Variants in ZNF638 observed in about 807,000 individuals in gnomAD.
ZNF638 encodes the protein zinc finger protein 638, also known as CTCL tumor antigen se33-1.
In ZNF638, 46 loss-of-function variants were observed where a neutral mutation model predicts 195.6. The ratio of observed to expected loss-of-function variants is 0.24; its 90% CI spans 0.19 to 0.30. The LOEUF (loss-of-function observed/expected upper bound fraction) is 0.30, where lower values mean the gene tolerates loss of function less well. Among genes scored for constraint, ZNF638 ranks in the 10% least tolerant of loss-of-function variants. ZNF638 has a pLI of 1.00. For synonymous variants in ZNF638, 845 were observed against 772.0 expected (o/e 1.09, Z -1.57); for missense variants, 2,440 against 2,325.3 (o/e 1.05, Z -1.01).
At chr2:71,335,369 C>T (rs573431439) in intron 1 of ZNF638, among the ~76,000 whole-genome samples, 2 of 152,232 alleles carry the variant, frequency 1.3e-5, no homozygotes, top group South Asian at 4.2e-4. Context: ...CCCTAAGGAA[C>T]ATATATTTTG....
In ZNF638 at chr2:71,427,207, G is replaced by A. The variant is rs1483578745; in HGVS notation, c.5338G>A (p.Val1780Ile). Reference sequence around the variant, plus strand: ...GCTTAATTTTGTTACTGTTGATGAAGTTGGAGAGGAGGAAGATGGAGATAA... The same window carrying A: ...GCTTAATTTTGTTACTGTTGATGAAATTGGAGAGGAGGAAGATGGAGATAA... ...EELNFVTVDE[V>I]GEEEDGDNDL... Residue 1780 changes from valine (V) to isoleucine (I), a missense_variant, in exon 24 of 28, where the codon GTT becomes ATT. Val to Ile is a conservative substitution (Grantham distance 29, BLOSUM62 3). Coordinates refer to ENST00000264447, the MANE Select transcript of ZNF638 (RefSeq NM_014497.5). 6.2e-7 allele frequency: 1 copy of A among 1,612,544 alleles called. No individual in the cohort carries two copies. The highest frequency in any genetic ancestry group is 8.5e-7 in the Non-Finnish European group (1 of 1,179,568).
chr2:71,388,561 C>T, intron 10 of ZNF638: 2 of 745,534 alleles, frequency 2.7e-6, no homozygotes, highest in South Asian at 2.8e-5. Context: ...CGAGCAGTTT[C>T]CTAGCTGCGC....
chr2:71,418,968 G>A (rs563924635), intron 21 of ZNF638, among the ~76,000 whole-genome samples: 68 of 152,154 alleles, frequency 4.5e-4, no homozygotes, highest in Admixed American at 3.4e-3. Context: ...CATTGTTTTT[G>A]TTAGATTTTC....
intron 20 of ZNF638, among the ~76,000 whole-genome samples, chr2:71,412,562 C>T (rs1485564393): frequency 2.6e-4 from 12 of 46,064 alleles, no homozygotes; most frequent in African/African-American, 1.2e-3. Flanking sequence ...ACGCCTATGT[C>T]CTGAATGGTA....
At position 71,423,971 on chromosome 2, in the gene ZNF638, TAACAA is replaced by T. The variant is rs1558884704; in HGVS notation, c.4463_4467del (p.Lys1488IlefsTer7). ...CTTTCTAAACTGGATTACAGAGATA[TAACAA>T]AACAATCTCAGGAAACAGAGGCTAG... On this transcript the variant is annotated frameshift_variant, in exon 22 of 28. Coordinates refer to ENST00000264447, the MANE Select transcript of ZNF638 (RefSeq NM_014497.5). LOFTEE classifies it high-confidence loss of function. 1 of 1,614,024 alleles carries T rather than the reference TAACAA, an allele frequency of 6.2e-7. No individual in the cohort carries two copies. Among genetic ancestry groups the T allele is most frequent in the Non-Finnish European group, 8.5e-7 (1 of 1,179,986 alleles).
intron 10 of ZNF638, among the ~76,000 whole-genome samples, chr2:71,393,121 C>T (rs111409005): frequency 0.013 from 1,963 of 152,194 alleles, 43 homozygotes; most frequent in African/African-American, 0.045. Flanking sequence ...CATAGTAGAA[C>T]GTGCCCACTC....
intron 3 of ZNF638, among the ~76,000 whole-genome samples, chr2:71,356,794 ATTT>A (rs972567815): frequency 6.8e-6 from 1 of 146,406 alleles, no homozygotes; most frequent in Admixed American, 6.8e-5. Flanking sequence ...AAAAAAAAAA[ATTT>A]TTTTTTTTTA....
chr2:71,333,674 A>G (rs1307482160), intron 1 of ZNF638, among the ~76,000 whole-genome samples: 1 of 152,248 alleles, frequency 6.6e-6, no homozygotes, highest in East Asian at 1.9e-4. Context: ...TAGGCTTTGC[A>G]GTCGGAAGAT....
rs1045240348 is a variant in ZNF638 at position 71,383,954 on chromosome 2, T to C, written c.2377+3389T>C. 2.0e-5 allele frequency among the ~76,000 whole-genome samples: 3 copies of C among 151,860 alleles called. No homozygotes were observed. In the East Asian group the frequency reaches 5.8e-4, roughly 29 times the overall value. ...AGTCTTTAAGGACATCTCCCTTACG[T>C]ACATAAACTCTTCTATCCCCTTGAG... On this transcript the variant is annotated intron_variant, in intron 10 of 27. Coordinates refer to ENST00000264447, the MANE Select transcript of ZNF638 (RefSeq NM_014497.5).
chr2:71,360,525 G>C (rs1476596826), intron 3 of ZNF638, among the ~76,000 whole-genome samples: 1 of 151,540 alleles, frequency 6.6e-6, no homozygotes, highest in Admixed American at 6.6e-5. Flanking sequence ...ATGCATTACA[G>C]TCTCTTTTAA....
At chr2:71,371,620 G>T (rs2079315067) in intron 8 of ZNF638, among the ~76,000 whole-genome samples, 2 of 151,778 alleles carry the variant, frequency 1.3e-5, no homozygotes, top group African/African-American at 2.4e-5. Flanking sequence ...ACCTTTTCGT[G>T]TGCCTTTTTG....
intron 10 of ZNF638, chr2:71,388,541 T>C: frequency 1.4e-6 from 1 of 726,712 alleles, no homozygotes; most frequent in Admixed American, 2.0e-5. Flanking sequence ...CTCTTCGGCG[T>C]CTCTAAGGCC....
intron 18 of ZNF638, 46 bp downstream of exon 18, chr2:71,405,688 GA>G: frequency 7.6e-7 from 1 of 1,318,774 alleles, no homozygotes; most frequent in African/African-American, 1.5e-5. Flanking sequence ...TTAATTGATG[GA>G]AACATTGTTT....
At chr2:71,421,809 G>T (rs1167538644) in intron 21 of ZNF638, among the ~76,000 whole-genome samples, 1 of 152,074 alleles carries the variant, frequency 6.6e-6, no homozygotes, top group Non-Finnish European at 1.5e-5. Context: ...AATTTGCATT[G>T]ATAGCATGTT....
rs980461247 is a variant in ZNF638 at position 71,331,890 on chromosome 2, C to T, written c.-203+15C>T. 7.4e-5 allele frequency: 73 copies of T among 986,248 alleles called. No homozygotes were observed. Among genetic ancestry groups the T allele is most frequent in the Non-Finnish European group, 8.6e-5 (71 of 830,372 alleles). 61.1% of individuals were successfully genotyped at this position (986,248 alleles called of 1,614,324 possible). Reference sequence around the variant, plus strand: ...GGTAGGCATAGGTAGGACCGCTGCCCTGTGGGGAGTAGGGGGTTGGAAGGC... The same window carrying T: ...GGTAGGCATAGGTAGGACCGCTGCCTTGTGGGGAGTAGGGGGTTGGAAGGC... On this transcript the variant is annotated intron_variant, in intron 1 of 27. Coordinates refer to ENST00000264447, the MANE Select transcript of ZNF638 (RefSeq NM_014497.5).
At position 71,428,626 on chromosome 2, in the gene ZNF638, T is replaced by C; in HGVS notation, c.5625T>C (p.Gly1875=). 6.2e-7 allele frequency: 1 copy of C among 1,613,812 alleles called. No homozygotes were observed. ...EKAVVTEPAK[G]EEAFQMSEVD... ...CTGTTGTGACAGAACCAGCAAAAGG[T>C]GAAGAGGCCTTCCAGATGAGTGAAG... The change falls in exon 25 of 28, where the codon GGT becomes GGC. Residue 1875 remains glycine, a synonymous_variant. Transcript: ENST00000264447.
chr2:71,414,384 T>G (rs1269538910), intron 20 of ZNF638, among the ~76,000 whole-genome samples: 25 of 12,934 alleles, frequency 1.9e-3, no homozygotes, highest in South Asian at 2.5e-3. Context: ...TTTATTAGTC[T>G]TGCTAGCGGT....
Position 71,423,849 on chromosome 2 carries a change from C to G in ZNF638, c.4335C>G (p.Ala1445=). The stretch of plus-strand genomic sequence containing the variant: ...TTGGTCTGCTTAAACCCACAAGTGC[C>G]AGGTCAGGCTTGGCAGAAAGCAGCA... The part of the protein sequence containing the change: ...KEFGLLKPTS[A]RSGLAESSSK... The change falls in exon 22 of 28, where the codon GCC becomes GCG. Residue 1445 remains alanine, a synonymous_variant. Coordinates refer to ENST00000264447, the MANE Select transcript of ZNF638 (RefSeq NM_014497.5). 2 of 1,614,056 alleles carry G rather than the reference C, an allele frequency of 1.2e-6. No homozygotes were observed. The highest frequency in any genetic ancestry group is 2.2e-5 in the South Asian group (2 of 91,076).
chr2:71,380,706 A>G (rs1415006984), intron 10 of ZNF638, 141 bp downstream of exon 10: 3 of 560,668 alleles, frequency 5.4e-6, no homozygotes, highest in Non-Finnish European at 6.1e-6. Context: ...CCCTGTATTA[A>G]GCAGGCGGTT....
Sources: gnomAD v4.1 joint callset for allele counts (sites outside exome capture counted in the v4.1 genomes callset) on GRCh38, gnomAD v4.1.1 for gene constraint, MANE v1.5 for transcripts, NCBI Gene and HGNC (gene_info 2026-07-23, HGNC 2026-07-21) for gene names.